The following DMD variants were observed in gnomAD, a reference collection of about 807,000 sequenced individuals.
The protein encoded by DMD is dystrophin.
A neutral mutation model predicts 330.1 loss-of-function variants in DMD; 63 were observed. The observed-to-expected ratio is 0.19, with a 90% confidence interval of 0.16 to 0.24. The LOEUF (loss-of-function observed/expected upper bound fraction) is 0.24. Ranked by LOEUF, DMD falls within the 10% of genes least tolerant of loss-of-function variation. The pLI is 1.00. For synonymous variants in DMD, 1,223 were observed against 959.8 expected, an observed-to-expected ratio of 1.27 and a Z score of -5.07; for missense variants, 3,344 against 2,684.1, an observed-to-expected ratio of 1.25 and a Z score of -5.43.
chrX:31,494,530 C>T (rs372926222), intron 57 of DMD, among the ~76,000 whole-genome samples: 46 of 111,622 alleles, frequency 4.1e-4, no homozygotes, highest in African/African-American at 1.3e-3. Context: ...TGAGCAAGCA[C>T]ACTAACCAAG....
intron 7 of DMD, among the ~76,000 whole-genome samples, chrX:32,760,885 A>G (rs763318404): frequency 2.7e-5 from 3 of 111,251 alleles, no homozygotes; most frequent in African/African-American, 9.8e-5. Flanking sequence ...GATTTTCTAT[A>G]CCTTGAATAT....
chrX:31,218,593 A>ACTTT (rs1431947584), intron 64 of DMD, among the ~76,000 whole-genome samples: 3 of 111,936 alleles, frequency 2.7e-5, no homozygotes, highest in Non-Finnish European at 3.8e-5. Flanking sequence ...GCCTTGGTTT[A>ACTTT]CTTTCATTCA....
intron 2 of DMD, among the ~76,000 whole-genome samples, chrX:32,905,440 C>CTA (rs1448163857): frequency 1.8e-5 from 2 of 111,442 alleles, no homozygotes; most frequent in African/African-American, 3.3e-5. Flanking sequence ...TAAATGTTTA[C>CTA]TATATATATA....
chrX:31,281,995 G>A (rs1233120977), intron 62 of DMD, among the ~76,000 whole-genome samples: 3 of 108,361 alleles, frequency 2.8e-5, no homozygotes, highest in Non-Finnish European at 5.7e-5. Context: ...ATTTGTGAGA[G>A]TCATGCGACA....
intron 3 of DMD, among the ~76,000 whole-genome samples, chrX:32,847,882 G>C (rs1359337695): frequency 8.9e-6 from 1 of 111,857 alleles, no homozygotes; most frequent in Non-Finnish European, 1.9e-5. Context: ...TTTTAATTTT[G>C]CCGAAATTAG....
At chrX:31,215,259 T>A (rs1416066843) in intron 64 of DMD, among the ~76,000 whole-genome samples, 1 of 108,272 alleles carries the variant, frequency 9.2e-6, no homozygotes, top group Non-Finnish European at 1.9e-5. Flanking sequence ...TTTTTTTTTT[T>A]AAAGGGAAAA....
intron 4 of DMD, among the ~76,000 whole-genome samples, chrX:32,830,470 C>T (rs1364776478): frequency 1.8e-5 from 2 of 111,307 alleles, no homozygotes; most frequent in Non-Finnish European, 3.8e-5. Flanking sequence ...TGTTAATGTA[C>T]GAGCCTACTG....
intron 7 of DMD, among the ~76,000 whole-genome samples, chrX:32,776,102 T>A (rs1287027855): frequency 9.0e-6 from 1 of 111,720 alleles, no homozygotes; most frequent in African/African-American, 3.3e-5. Flanking sequence ...GCCACCAATC[T>A]CTTTGCTAAA....
intron 56 of DMD, among the ~76,000 whole-genome samples, chrX:31,502,310 T>A (rs2070479976): frequency 9.1e-6 from 1 of 110,328 alleles, no homozygotes; most frequent in South Asian, 3.8e-4. Context: ...CAAAGAGAAG[T>A]CAACATTTTT....
At chrX:33,043,220 C>T (rs148248117) in intron 1 of DMD, among the ~76,000 whole-genome samples, 13 of 111,445 alleles carry the variant, frequency 1.2e-4, no homozygotes, top group Middle Eastern at 4.6e-3. Flanking sequence ...CAGAGTAACA[C>T]GGGTGACAAA....
intron 22 of DMD, 36 bp from the exon 23 acceptor site, chrX:32,468,746 T>A (rs759387557): frequency 9.3e-7 from 1 of 1,076,950 alleles, no homozygotes; most frequent in Non-Finnish European, 1.3e-6. Context: ...TTACCCTAAT[T>A]GATGAATAAT....
intron 1 of DMD, among the ~76,000 whole-genome samples, chrX:33,149,084 CTA>C (rs1340261753): frequency 1.8e-5 from 2 of 110,210 alleles, no homozygotes; most frequent in Non-Finnish European, 3.8e-5. Flanking sequence ...TAATTGGAGA[CTA>C]TTTCATTTAT....
At chrX:31,316,888 G>C (rs1202444500) in intron 62 of DMD, among the ~76,000 whole-genome samples, 1 of 111,974 alleles carries the variant, frequency 8.9e-6, no homozygotes, top group Non-Finnish European at 1.9e-5. Context: ...CATCCTCAAA[G>C]ACTGACAGAT....
chrX:31,362,876 G>A (rs779754303), intron 60 of DMD, among the ~76,000 whole-genome samples: 28 of 112,560 alleles, frequency 2.5e-4, no homozygotes, highest in Non-Finnish European at 3.9e-4. Flanking sequence ...CGTGAACCCC[G>A]GAGGCGGAGC....
chrX:33,028,118 A>T (rs1172826328), intron 1 of DMD, among the ~76,000 whole-genome samples: 1 of 112,163 alleles, frequency 8.9e-6, no homozygotes, highest in Non-Finnish European at 1.9e-5. Context: ...ATAAACTGTA[A>T]ATAAGAAGAC....
At chrX:31,407,734 C>G (rs1794025511) in intron 60 of DMD, among the ~76,000 whole-genome samples, 1 of 109,980 alleles carries the variant, frequency 9.1e-6, no homozygotes, top group Non-Finnish European at 1.9e-5. Flanking sequence ...TCCGCCTCGG[C>G]CTCTCAAAGT....
At chrX:31,889,415 G>A (rs910866628) in intron 47 of DMD, among the ~76,000 whole-genome samples, 1 of 109,899 alleles carries the variant, frequency 9.1e-6, no homozygotes, top group Non-Finnish European at 1.9e-5. Flanking sequence ...GCTCCTGGAG[G>A]CATTAGACAA....
At chrX:31,685,596 A>G (rs961094265) in intron 52 of DMD, among the ~76,000 whole-genome samples, 1 of 112,246 alleles carries the variant, frequency 8.9e-6, no homozygotes, top group African/African-American at 3.2e-5. Context: ...CTTGCCTCAA[A>G]GGCAAGGACA....
chrX:33,110,619 T>C (rs1280553292), intron 1 of DMD, among the ~76,000 whole-genome samples: 3 of 111,778 alleles, frequency 2.7e-5, no homozygotes, highest in African/African-American at 9.7e-5. Context: ...GTGTTGCTTA[T>C]CTTCATAAAG....
Sources: gnomAD v4.1 joint callset for allele counts (sites outside exome capture counted in the v4.1 genomes callset) on GRCh38, gnomAD v4.1.1 for gene constraint, MANE v1.5 for transcripts, NCBI Gene and HGNC (gene_info 2026-07-23, HGNC 2026-07-21) for gene names.